Variants in DST observed in about 807,000 individuals in gnomAD.
The protein encoded by DST is dystonin.
DST carries 253 observed loss-of-function variants against 875.2 expected under a neutral mutation model. That is an observed-to-expected ratio of 0.29 (90% CI 0.26 to 0.32). The LOEUF is 0.32. Among genes scored for constraint, DST ranks in the 10% least tolerant of loss-of-function variants. The pLI is 1.00. For synonymous variants in DST, 3,124 were observed against 3,197.1 expected (o/e 0.98, Z 0.77); for missense variants, 8,287 against 9,111.6 (o/e 0.91, Z 3.68).
In DST at chr6:56,722,368, G is replaced by GTTA. The variant is rs1554672068; in HGVS notation, c.687+12859_687+12860insTAA. Among the ~76,000 whole-genome samples the GTTA allele has an allele frequency of 7.9e-3, 1,192 of 150,706 alleles. 15 individuals are homozygous for GTTA. The highest frequency in any genetic ancestry group is 0.028 in the African/African-American group (1,130 of 41,042). On this transcript the variant is annotated intron_variant, in intron 5 of 103. Transcript: ENST00000680361. Reference sequence around the variant, plus strand: ...TTGACAATAAAAGTAGTACATGTTTGTTTATTTATTTATTTATTTATTTAT... The same window carrying GTTA: ...TTGACAATAAAAGTAGTACATGTTTGTTATTTATTTATTTATTTATTTATTTAT...
chr6:56,934,553 TATTATATTA>T (rs1811864569), intron 2 of DST, among the ~76,000 whole-genome samples: 3 of 105,522 alleles, frequency 2.8e-5, no homozygotes, highest in Admixed American at 2.2e-4. Flanking sequence ...ACATATTATA[TATTATATTA>T]TATATATATA....
Position 56,604,078 on chromosome 6 carries a change from G to A in DST, c.10550C>T (p.Ser3517Phe). The part of the protein sequence containing the change: ...HVGDFNQKAC[S>F]TSEMMEEKPH... ...CTTTTCTTCCATCATCTCAGATGTA[G>A]AACATGCTTTTTGATTAAAGTCTCC... Residue 3517 changes from serine to phenylalanine, a missense_variant, in exon 40 of 104, where the codon TCT becomes TTT. Ser to Phe is a radical substitution (Grantham distance 155). Coordinates refer to ENST00000680361, the MANE Select transcript of DST (RefSeq NM_001374736.1). 6.3e-7 allele frequency: 1 copy of A among 1,581,694 alleles called. No individual in the cohort carries two copies. The highest frequency in any genetic ancestry group is 8.6e-7 in the Non-Finnish European group (1 of 1,161,532).
chr6:56,865,632 A>G (rs111767134), intron 3 of DST, among the ~76,000 whole-genome samples: 3,572 of 152,252 alleles, frequency 0.023, 135 homozygotes, highest in African/African-American at 0.081. Flanking sequence ...CTGGGATTAC[A>G]GGCATGAGCC....
intron 16 of DST, 49 bp downstream of exon 16, chr6:56,642,361 C>T: frequency 7.6e-7 from 1 of 1,316,920 alleles, no homozygotes; most frequent in South Asian, 1.2e-5. Context: ...CATCCAAACG[C>T]ACAGTGACTC....
intron 2 of DST, among the ~76,000 whole-genome samples, chr6:56,904,460 T>C (rs1458064650): frequency 6.6e-6 from 1 of 152,212 alleles, no homozygotes; most frequent in Non-Finnish European, 1.5e-5. Context: ...AATGGGGTGT[T>C]TAAATGAGAT....
chr6:56,854,348 T>G (rs928495392), intron 3 of DST, among the ~76,000 whole-genome samples: 4 of 152,004 alleles, frequency 2.6e-5, no homozygotes, highest in African/African-American at 9.7e-5. Context: ...GCTCCTGTAA[T>G]CAACAAAAGC....
At chr6:56,820,203 T>C (rs1345524470) in intron 4 of DST, among the ~76,000 whole-genome samples, 1 of 152,224 alleles carries the variant, frequency 6.6e-6, no homozygotes, top group East Asian at 1.9e-4. Context: ...AAAATAAGGA[T>C]ACTTTAAGTA....
intron 9 of DST, among the ~76,000 whole-genome samples, chr6:56,697,192 C>T (rs748753286): frequency 1.3e-5 from 2 of 152,118 alleles, no homozygotes; most frequent in Non-Finnish European, 2.9e-5. Context: ...TTATCTTTAA[C>T]AAATCCCTTT....
chr6:56,573,656 G>A, intron 51 of DST, 23 bp downstream of exon 51: 1 of 1,569,058 alleles, frequency 6.4e-7, no homozygotes, highest in Non-Finnish European at 8.7e-7. Context: ...CTGAAAATGG[G>A]ACTTTTTTTT....
In DST at chr6:56,627,433, G is replaced by A. The variant is rs548629343; in HGVS notation, c.4639-146C>T. 54 of 704,486 alleles carry A rather than the reference G, an allele frequency of 7.7e-5. No individual in the cohort carries two copies. The African/African-American group carries it at 9.5e-4, about 12-fold the overall frequency. The allele number at this position is 704,486 out of a possible 1,614,324, so 43.6% of individuals were successfully genotyped here. On this transcript the variant is annotated intron_variant, in intron 33 of 103. Transcript: ENST00000680361. Reference sequence around the variant, plus strand: ...ACTTAATACACAACTTGCCTTATGGGAAAATTACAAACTTTCAGATTAAGC... The same window carrying A: ...ACTTAATACACAACTTGCCTTATGGAAAAATTACAAACTTTCAGATTAAGC...
rs1351270874 is a variant in DST at position 56,900,577 on chromosome 6, C to T, written c.261G>A (p.Ala87=). ...SPRHLRRRVA[A]AAAARLEEVK... is the part of the protein sequence containing the mutation. ...CTTCTTCCAGACGGGCAGCTGCGGC[C>T]GCTGCAACTCGTCTTCTAAGATGCC... is the stretch of plus-strand genomic sequence containing the variant. Residue 87 remains alanine (A), a synonymous_variant, in exon 3 of 104, where the codon GCG becomes GCA. Transcript: ENST00000680361. 7.3e-7 allele frequency: 1 copy of T among 1,367,474 alleles called. No homozygotes were observed. The highest frequency in any genetic ancestry group is 9.8e-7 in the Non-Finnish European group (1 of 1,021,844). 84.7% of individuals were successfully genotyped at this position (1,367,474 alleles called of 1,614,324 possible). A position where few individuals can be genotyped will look rare whatever the true frequency, so the allele number is the denominator to read the frequency against.
intron 43 of DST, among the ~76,000 whole-genome samples, chr6:56,602,453 T>C (rs1452014566): frequency 2.6e-5 from 4 of 151,972 alleles, no homozygotes; most frequent in Admixed American, 6.6e-5. Context: ...TAGGTCTGTG[T>C]AAGTACACTC....
At chr6:56,620,811 G>T in intron 36 of DST, 1 of 1,122,728 alleles carries the variant, frequency 8.9e-7, no homozygotes, top group Non-Finnish European at 1.3e-6. Context: ...AAAACCAAGT[G>T]AACTCAAATG....
chr6:56,474,027 T>C lies in DST; in HGVS notation c.21865-25A>G, dbSNP rs765945109. 8 of 1,558,456 alleles carry C rather than the reference T, an allele frequency of 5.1e-6. No homozygotes were observed. The South Asian group carries it at 8.3e-5, about 16-fold the overall frequency. ...TCTGAAATGAAAGAAATGATGTCAA[T>C]CAAATAAGAGTTACTACAGAAAACC... is the stretch of plus-strand genomic sequence containing the variant. On this transcript the variant is annotated intron_variant, in intron 92 of 103. Transcript: ENST00000680361.
At chr6:56,769,086 A>T (rs1040934017) in intron 4 of DST, among the ~76,000 whole-genome samples, 2 of 152,238 alleles carry the variant, frequency 1.3e-5, no homozygotes, top group African/African-American at 2.4e-5. Flanking sequence ...AAGAAATCTT[A>T]AAAAATCAAT....
rs755613174 is a variant in DST at position 56,609,344 on chromosome 6, G to C, written c.5284C>G (p.Leu1762Val). The C allele has an allele frequency of 2.5e-6, 4 of 1,584,312 alleles. No individual in the cohort carries two copies. The East Asian group carries it at 6.8e-5, about 27-fold the overall frequency. Residue 1762 changes from leucine to valine, a missense_variant and splice_region_variant, in exon 40 of 104, where the codon CTG becomes GTG. Leu to Val is a conservative substitution (Grantham distance 32). This residue lies in a region of DST where 3,138 missense variants were observed against 3,116.6 expected (regional missense o/e 1.01). Coordinates refer to ENST00000680361, the MANE Select transcript of DST (RefSeq NM_001374736.1). ...TSGDVKVEEK[L>V]DKVIAGTIDQ... ...ATGGTGCCTGCAATCACTTTATCCA[G>C]CTGAAAGGAAAATGCAAAAATCTCA...
At chr6:56,705,042 C>A (rs185317044) in intron 5 of DST, among the ~76,000 whole-genome samples, 3 of 152,300 alleles carry the variant, frequency 2.0e-5, no homozygotes, top group East Asian at 1.9e-4. Flanking sequence ...GTTCCACAGG[C>A]CTGATTTAGA....
At chr6:56,888,341 T>C (rs973168365) in intron 3 of DST, among the ~76,000 whole-genome samples, 4 of 152,162 alleles carry the variant, frequency 2.6e-5, no homozygotes, top group Admixed American at 6.5e-5. Flanking sequence ...TGAATGGGTG[T>C]CATTCAAAAA....
Position 56,459,265 on chromosome 6 carries a change from A to G in DST, c.23197T>C (p.Ser7733Pro), listed in dbSNP as rs1373054016. ...CCTGGTCGGCTGGGAGTCTTCTTGGAATCTGAGGAAAGAAGGTAGAGACAG... is the reference window on the plus strand; with the variant it reads ...CCTGGTCGGCTGGGAGTCTTCTTGGGATCTGAGGAAAGAAGGTAGAGACAG... ...AARVRTQFAD[S>P]KKTPSRPGSR... is the part of the protein sequence containing the mutation. Residue 7733 changes from serine (S) to proline (P), a missense_variant and splice_region_variant, in exon 104 of 104, where the codon TCC becomes CCC. Physicochemically the swap from Ser to Pro is moderately conservative, Grantham distance 74 (BLOSUM62 -1). Transcript: ENST00000680361. The G allele has an allele frequency of 6.2e-7, 1 of 1,611,358 alleles. No individual in the cohort carries two copies. Among genetic ancestry groups the G allele is most frequent in the Non-Finnish European group, 8.5e-7 (1 of 1,178,630 alleles).
Sources: gnomAD v4.1 joint callset for allele counts (sites outside exome capture counted in the v4.1 genomes callset) on GRCh38, gnomAD v4.1.1 for gene constraint, gnomAD v4.1.1 regional missense constraint, MANE v1.5 for transcripts, NCBI Gene and HGNC (gene_info 2026-07-23, HGNC 2026-07-21) for gene names.